TMEM263: variants seen among roughly 807,000 people sequenced by gnomAD.
The protein encoded by TMEM263 is transmembrane protein 263, also known as UPF0444 transmembrane protein C12orf23.
A neutral mutation model predicts 8.6 loss-of-function variants in TMEM263; 5 were observed. That is an observed-to-expected ratio of 0.58 (90% CI 0.31 to 1.23). The LOEUF (loss-of-function observed/expected upper bound fraction) is 1.23, where lower values mean the gene tolerates loss of function less well. Among genes scored for constraint, TMEM263 ranks in the 50% most tolerant of loss-of-function variants. The pLI is 0.07. For synonymous variants in TMEM263, 50 were observed against 47.9 expected, an observed-to-expected ratio of 1.04 and a Z score of -0.18; for missense variants, 104 against 138.8, an observed-to-expected ratio of 0.75 and a Z score of 1.26.
intron 2 of TMEM263, among the ~76,000 whole-genome samples, chr12:106,966,342 G>GTA (rs1354418896): frequency 6.6e-6 from 1 of 152,204 alleles, no homozygotes; most frequent in Non-Finnish European, 1.5e-5. Context: ...TGGTTACATA[G>GTA]TGTTCCATGA....
intron 3 of TMEM263, among the ~76,000 whole-genome samples, chr12:106,968,904 G>A (rs1951880510): frequency 6.6e-6 from 1 of 152,146 alleles, no homozygotes; most frequent in Admixed American, 6.5e-5. Context: ...TACCAATTAT[G>A]TAATCCTTTC....
At chr12:106,965,680 A>G (rs1951834486) in intron 2 of TMEM263, among the ~76,000 whole-genome samples, 1 of 151,806 alleles carries the variant, frequency 6.6e-6, no homozygotes, top group Non-Finnish European at 1.5e-5. Flanking sequence ...CATAGCATAT[A>G]AATACCACTG....
At chr12:106,957,002 T>A in intron 1 of TMEM263, 80 bp from the exon 2 acceptor site, 1 of 879,202 alleles carries the variant, frequency 1.1e-6, no homozygotes, top group Non-Finnish European at 1.4e-6. Flanking sequence ...AATTTGATTT[T>A]TGCGTCCTTG....
At chr12:106,961,776 A>T (rs917737530) in intron 2 of TMEM263, among the ~76,000 whole-genome samples, 10 of 152,354 alleles carry the variant, frequency 6.6e-5, no homozygotes, top group Non-Finnish European at 1.3e-4. Context: ...TAATGTCTTT[A>T]ACAGTATTGT....
chr12:106,967,822 C>T (rs1387003332), intron 3 of TMEM263, among the ~76,000 whole-genome samples: 2 of 152,138 alleles, frequency 1.3e-5, no homozygotes, highest in East Asian at 3.8e-4. Flanking sequence ...TGATATCCTG[C>T]ATACAAAATC....
chr12:106,963,607 C>T (rs1246248514), intron 2 of TMEM263, among the ~76,000 whole-genome samples: 2 of 152,176 alleles, frequency 1.3e-5, no homozygotes, highest in African/African-American at 4.8e-5. Flanking sequence ...GTCCTTCCAT[C>T]TCTTCTTGCT....
chr12:106,969,316 G>A (rs1018266884), intron 3 of TMEM263, among the ~76,000 whole-genome samples: 26 of 152,102 alleles, frequency 1.7e-4, no homozygotes, highest in South Asian at 8.3e-4. Context: ...TTGGACTTAC[G>A]TACCCAGTAA....
intron 2 of TMEM263, chr12:106,959,525 A>G (rs1951741200): frequency 6.6e-6 from 1 of 152,148 alleles, no homozygotes; most frequent in Non-Finnish European, 1.5e-5. Flanking sequence ...TTACAGGCCC[A>G]TTTTGAAATT....
At chr12:106,968,045 A>G (rs985409774) in intron 3 of TMEM263, among the ~76,000 whole-genome samples, 1 of 152,222 alleles carries the variant, frequency 6.6e-6, no homozygotes, top group African/African-American at 2.4e-5. Context: ...TCCTGAGTAC[A>G]TACAGAAAAT....
At chr12:106,962,439 G>GC (rs1190473714) in intron 2 of TMEM263, among the ~76,000 whole-genome samples, 7 of 152,142 alleles carry the variant, frequency 4.6e-5, no homozygotes, top group Non-Finnish European at 1.0e-4. Flanking sequence ...GTTCCATGAG[G>GC]CTGTACTCAT....
Position 106,971,266 on chromosome 12 carries a change from C to T in TMEM263, c.226C>T (p.Pro76Ser). The T allele has an allele frequency of 6.2e-7, 1 of 1,614,186 alleles. No homozygotes were observed. The highest frequency in any genetic ancestry group is 8.5e-7 in the Non-Finnish European group (1 of 1,180,042). The change falls in exon 4 of 4, where the codon CCT (proline) becomes TCT (serine). Residue 76 changes from proline to serine, a missense_variant. Transcript: ENST00000280756. ...EVTKTAVTTV[P>S]SMGIGLVKGG... ...GACCAAAACAGCTGTTACAACTGTG[C>T]CTTCCATGGGAATAGGGCTGGTGAA...
intron 1 of TMEM263, among the ~76,000 whole-genome samples, chr12:106,956,527 TC>T (rs1173090097): frequency 6.6e-6 from 1 of 152,092 alleles, no homozygotes; most frequent in Non-Finnish European, 1.5e-5. Flanking sequence ...CCCCCATAGC[TC>T]TTCCTGGGTA....
rs1951704975 is a variant in TMEM263, at chr12:106,957,093, TCTG to T, written c.-59_-57del. On this transcript the variant is annotated 5_prime_UTR_variant, in exon 2 of 4. Transcript: ENST00000280756. The stretch of plus-strand genomic sequence containing the variant: ...ATGCTATTGTTTAGCCTTTGAAACT[TCTG>T]CTGGTGTGAGTGCCCTCAGGGGTTC... 5.1e-6 allele frequency: 5 copies of T among 985,424 alleles called. No individual in the cohort carries two copies. The highest frequency in any genetic ancestry group is 5.2e-4 in the Middle Eastern group (1 of 1,936). The allele number at this position is 985,424 out of a possible 1,614,324, so 61.0% of individuals were successfully genotyped here. A position where few individuals can be genotyped will look rare whatever the true frequency, so the allele number is the denominator to read the frequency against.
intron 3 of TMEM263, among the ~76,000 whole-genome samples, chr12:106,970,065 T>C (rs1303712103): frequency 6.6e-6 from 1 of 152,196 alleles, no homozygotes; most frequent in Non-Finnish European, 1.5e-5. Flanking sequence ...ATCCTACTTA[T>C]GTCTGAATAA....
At chr12:106,962,324 A>G (rs2136763410) in intron 2 of TMEM263, among the ~76,000 whole-genome samples, 1 of 152,114 alleles carries the variant, frequency 6.6e-6, no homozygotes. Context: ...TGCCTTTTAC[A>G]GTCTCTAAAT....
At chr12:106,960,807 C>T (rs1363120222) in intron 2 of TMEM263, among the ~76,000 whole-genome samples, 1 of 152,156 alleles carries the variant, frequency 6.6e-6, no homozygotes, top group Non-Finnish European at 1.5e-5. Flanking sequence ...TTTTAAATTA[C>T]TCTAGATTAA....
At chr12:106,971,057 A>T in intron 3 of TMEM263, 48 bp from the exon 4 acceptor site, 2 of 1,591,006 alleles carry the variant, frequency 1.3e-6, no homozygotes, top group African/African-American at 2.7e-5. Flanking sequence ...GCTCTTTTAA[A>T]GACTTGTGAC....
chr12:106,972,331 T>G lies in TMEM263; in HGVS notation c.*940T>G, dbSNP rs1179347556. On this transcript the variant is annotated 3_prime_UTR_variant, in exon 4 of 4. Transcript: ENST00000280756. ...TAATTTTAAGTTCTTAAAAATTACC[T>G]AAAACACCCCAAATATAAAAAGAAG... 6.6e-6 allele frequency: 1 copy of G among 152,208 alleles called. No homozygotes were observed. The highest frequency in any genetic ancestry group is 1.5e-5 in the Non-Finnish European group (1 of 68,020). The allele number at this position is 152,208 out of a possible 1,614,324, so 9.4% of individuals were successfully genotyped here. A position where few individuals can be genotyped will look rare whatever the true frequency, so the allele number is the denominator to read the frequency against.
At chr12:106,961,187 A>G (rs1038324070) in intron 2 of TMEM263, among the ~76,000 whole-genome samples, 4 of 132,006 alleles carry the variant, frequency 3.0e-5, no homozygotes, top group South Asian at 4.9e-4. Context: ...CCTTCCAAAT[A>G]TGTGGGACTA....
Sources: gnomAD v4.1 joint callset for allele counts (sites outside exome capture counted in the v4.1 genomes callset) on GRCh38, gnomAD v4.1.1 for gene constraint, MANE v1.5 for transcripts, NCBI Gene and HGNC (gene_info 2026-07-23, HGNC 2026-07-21) for gene names.